DGKB: variants seen among roughly 807,000 people sequenced by gnomAD.
DGKB encodes the protein diacylglycerol kinase beta, also known as 90 kDa diacylglycerol kinase.
Under a neutral mutation model 114.3 loss-of-function variants are expected in DGKB, and 67 were observed. The observed-to-expected ratio is 0.59, with a 90% CI of 0.48 to 0.72. The LOEUF (loss-of-function observed/expected upper bound fraction) is 0.72, where lower values mean the gene tolerates loss of function less well. Ranked by LOEUF, DGKB falls within the 30% of genes least tolerant of loss-of-function variation. DGKB has a pLI of 0.00. For synonymous variants in DGKB, 398 were observed against 323.1 expected (o/e 1.23, Z -2.49); for missense variants, 907 against 975.2 (o/e 0.93, Z 0.93).
chr7:14,885,434 A>G lies in DGKB; in HGVS notation c.-188+17158T>C, dbSNP rs181003996. On this transcript the variant is annotated intron_variant, in intron 1 of 25. Coordinates refer to ENST00000402815, the MANE Select transcript of DGKB (RefSeq NM_001350709.2). The stretch of plus-strand genomic sequence containing the variant: ...TGGGAGAGAAAGCAATGTTTCTTGG[A>G]GAGAGTGAGAATAGAGCTGCTCCTG... 4.4e-4 allele frequency among the ~76,000 whole-genome samples: 67 copies of G among 152,018 alleles called. No individual in the cohort carries two copies. The East Asian group carries it at 0.012, about 28-fold the overall frequency.
intron 23 of DGKB, among the ~76,000 whole-genome samples, chr7:14,308,953 C>T (rs371627442): frequency 1.4e-4 from 22 of 152,234 alleles, no homozygotes; most frequent in East Asian, 5.8e-4. Flanking sequence ...TGGTGGCTCA[C>T]GCCTGTAATC....
At chr7:14,922,574 G>T (rs1278762143) in intron 1 of DGKB, among the ~76,000 whole-genome samples, 1 of 151,996 alleles carries the variant, frequency 6.6e-6, no homozygotes, top group Non-Finnish European at 1.5e-5. Context: ...TAACAGCAGG[G>T]TTTAGAAGAC....
At chr7:14,387,414 A>G (rs1185205846) in intron 21 of DGKB, among the ~76,000 whole-genome samples, 1 of 6,550 alleles carries the variant, frequency 1.5e-4, no homozygotes, top group Non-Finnish European at 1.7e-3. Context: ...TCCATCTCAA[A>G]AAAAAAAAAA....
intron 1 of DGKB, among the ~76,000 whole-genome samples, chr7:14,893,621 A>C (rs2128228241): frequency 6.6e-6 from 1 of 151,442 alleles, no homozygotes; most frequent in Admixed American, 6.6e-5. Flanking sequence ...TTAATCATAT[A>C]GCCAACTGTT....
intron 20 of DGKB, among the ~76,000 whole-genome samples, chr7:14,480,779 AGAG>A (rs1336524387): frequency 1.3e-5 from 2 of 152,140 alleles, no homozygotes; most frequent in Non-Finnish European, 2.9e-5. Flanking sequence ...TATCTTTAAA[AGAG>A]GATACTGACA....
At chr7:14,282,952 C>T (rs1166189471) in intron 23 of DGKB, among the ~76,000 whole-genome samples, 1 of 151,876 alleles carries the variant, frequency 6.6e-6, no homozygotes, top group African/African-American at 2.4e-5. Flanking sequence ...AAAACTGGCA[C>T]AAGACAGGGA....
At chr7:14,343,077 G>A (rs1811875217) in intron 22 of DGKB, among the ~76,000 whole-genome samples, 1 of 151,136 alleles carries the variant, frequency 6.6e-6, no homozygotes, top group African/African-American at 2.4e-5. Flanking sequence ...ATAACCTTGA[G>A]GGTAGAAAGG....
chr7:14,652,870 A>C (rs2128904022), intron 13 of DGKB, among the ~76,000 whole-genome samples: 1 of 152,352 alleles, frequency 6.6e-6, no homozygotes, highest in Non-Finnish European at 1.5e-5. Context: ...TCTCAAAAGA[A>C]GACATTTATG....
intron 23 of DGKB, among the ~76,000 whole-genome samples, chr7:14,277,750 T>A (rs560471806): frequency 3.2e-4 from 48 of 152,216 alleles, no homozygotes; most frequent in Non-Finnish European, 5.6e-4. Context: ...TTTTGACATA[T>A]TGATTTCAGT....
intron 23 of DGKB, among the ~76,000 whole-genome samples, chr7:14,244,420 GC>G (rs1794137802): frequency 6.6e-6 from 1 of 152,030 alleles, no homozygotes; most frequent in African/African-American, 2.4e-5. Flanking sequence ...ACTTTGGGAG[GC>G]TGAGGTGGGC....
At chr7:14,570,968 T>G (rs1298084868) in intron 20 of DGKB, among the ~76,000 whole-genome samples, 1 of 152,162 alleles carries the variant, frequency 6.6e-6, no homozygotes, top group African/African-American at 2.4e-5. Flanking sequence ...AATTCTTTAC[T>G]TTGTATTTGA....
intron 21 of DGKB, among the ~76,000 whole-genome samples, chr7:14,435,794 A>G (rs1829150804): frequency 1.3e-5 from 2 of 152,124 alleles, no homozygotes; most frequent in Admixed American, 1.3e-4. Context: ...TTAAATTTCT[A>G]TTATAAATTA....
chr7:14,961,363 T>G (rs1786833988), intron 1 of DGKB, among the ~76,000 whole-genome samples: 1 of 152,084 alleles, frequency 6.6e-6, no homozygotes, highest in Non-Finnish European at 1.5e-5. Flanking sequence ...TAACCAAACC[T>G]TTCTAATTTA....
intron 1 of DGKB, among the ~76,000 whole-genome samples, chr7:14,959,854 G>A (rs1338318915): frequency 6.6e-6 from 1 of 151,288 alleles, no homozygotes; most frequent in African/African-American, 2.4e-5. Context: ...ATATGAAAAT[G>A]TCTATATACC....
At chr7:14,636,971 C>G (rs1354987577) in intron 13 of DGKB, among the ~76,000 whole-genome samples, 1 of 151,802 alleles carries the variant, frequency 6.6e-6, no homozygotes, top group Admixed American at 6.6e-5. Context: ...ATACATCATA[C>G]CACACATTCT....
At chr7:14,714,286 G>A (rs1360971398) in intron 6 of DGKB, among the ~76,000 whole-genome samples, 1 of 152,054 alleles carries the variant, frequency 6.6e-6, no homozygotes, top group African/African-American at 2.4e-5. Context: ...GGATCAAAGT[G>A]GAAAAGTTCA....
chr7:14,169,577 G>A (rs565753092), intron 25 of DGKB, among the ~76,000 whole-genome samples: 4 of 151,908 alleles, frequency 2.6e-5, no homozygotes, highest in Admixed American at 6.6e-5. Context: ...GTCTGGTCCC[G>A]GCCTTGGGAG....
intron 2 of DGKB, among the ~76,000 whole-genome samples, chr7:14,776,460 G>T (rs1357097336): frequency 2.6e-5 from 4 of 152,174 alleles, no homozygotes; most frequent in Admixed American, 1.3e-4. Context: ...CCTGGACTGG[G>T]CCCAGGGCCC....
chr7:14,291,464 C>G (rs1010861894), intron 23 of DGKB, among the ~76,000 whole-genome samples: 5 of 152,100 alleles, frequency 3.3e-5, no homozygotes, highest in Non-Finnish European at 5.9e-5. Context: ...AAAATGAGGT[C>G]TAAAATATCT....
Sources: gnomAD v4.1 joint callset for allele counts (sites outside exome capture counted in the v4.1 genomes callset) on GRCh38, gnomAD v4.1.1 for gene constraint, MANE v1.5 for transcripts, NCBI Gene and HGNC (gene_info 2026-07-23, HGNC 2026-07-21) for gene names.